ANGPTL2: variants seen among roughly 807,000 people sequenced by gnomAD.
The protein encoded by ANGPTL2 is angiopoietin like 2.
Under a neutral mutation model 52.8 loss-of-function variants are expected in ANGPTL2, and 25 were observed. That is an observed-to-expected ratio of 0.47 (90% CI 0.35 to 0.66). The LOEUF (loss-of-function observed/expected upper bound fraction) is 0.66, where lower values mean the gene tolerates loss of function less well. Ranked by LOEUF, ANGPTL2 falls within the 30% of genes least tolerant of loss-of-function variation. ANGPTL2 has a pLI of 0.01. For synonymous variants in ANGPTL2, 276 were observed against 277.4 expected (o/e 1.00, Z 0.05); for missense variants, 546 against 656.9 (o/e 0.83, Z 1.84).
intron 2 of ANGPTL2, among the ~76,000 whole-genome samples, chr9:127,095,111 T>G (rs1181337499): frequency 6.6e-6 from 1 of 152,190 alleles, no homozygotes; most frequent in Non-Finnish European, 1.5e-5. Flanking sequence ...AAAATATTCC[T>G]CATAGGGCCG....
In ANGPTL2 at chr9:127,093,904, C is replaced by T. The variant is rs1403846035; in HGVS notation, c.840G>A (p.Gln280=). ...KPSGPWRDCL[Q]ALEDGHDTSS... The stretch of plus-strand genomic sequence containing the variant: ...TGGTGTCGTGGCCATCCTCCAGGGC[C>T]TGCAGGCAGTCTCTCCATGGGCCTG... Residue 280 remains glutamine (Q), a synonymous_variant, in exon 3 of 5, where the codon CAG becomes CAA. Coordinates refer to ENST00000373425, the MANE Select transcript of ANGPTL2 (RefSeq NM_012098.3). The T allele has an allele frequency of 1.9e-6, 3 of 1,613,866 alleles. No homozygotes were observed. Among genetic ancestry groups the T allele is most frequent in the Admixed American group, 3.3e-5 (2 of 59,992 alleles).
chr9:127,115,219 C>T (rs1437229817), intron 1 of ANGPTL2, among the ~76,000 whole-genome samples: 2 of 151,970 alleles, frequency 1.3e-5, no homozygotes, highest in Admixed American at 6.6e-5. Context: ...GATGGAGTTT[C>T]GCTCTTGTCA....
At chr9:127,102,208 A>G (rs940617908) in intron 2 of ANGPTL2, among the ~76,000 whole-genome samples, 2 of 152,188 alleles carry the variant, frequency 1.3e-5, no homozygotes. Context: ...TGCTGCTATA[A>G]CAGAATAGCA....
At chr9:127,093,165 G>A (rs934730615) in intron 3 of ANGPTL2, among the ~76,000 whole-genome samples, 1 of 152,148 alleles carries the variant, frequency 6.6e-6, no homozygotes, top group Non-Finnish European at 1.5e-5. Flanking sequence ...TGTTTAGAGG[G>A]GGAAGAACGA....
rs543934399 is a variant in ANGPTL2 at position 127,098,247 on chromosome 9, A to T, written c.818-4321T>A. Among the ~76,000 whole-genome samples, 11 of 152,348 alleles carry T rather than the reference A, an allele frequency of 7.2e-5. No homozygotes were observed. In the South Asian group the frequency reaches 2.3e-3, roughly 32 times the overall value. On this transcript the variant is annotated intron_variant, in intron 2 of 4. Coordinates refer to ENST00000373425, the MANE Select transcript of ANGPTL2 (RefSeq NM_012098.3). ...TTTTGTCAATGAAACTGAGTTTTCA[A>T]CGTGCAGTGGGCAAAGCGCTCCCTT...
chr9:127,096,732 C>T (rs1224595534), intron 2 of ANGPTL2, among the ~76,000 whole-genome samples: 2 of 152,220 alleles, frequency 1.3e-5, no homozygotes, highest in East Asian at 3.8e-4. Flanking sequence ...CACAGACTCA[C>T]ACAATTCTGT....
At chr9:127,114,515 G>A (rs916943194) in intron 1 of ANGPTL2, among the ~76,000 whole-genome samples, 13 of 152,238 alleles carry the variant, frequency 8.5e-5, no homozygotes, top group Non-Finnish European at 1.6e-4. Context: ...TGCTCTTGCC[G>A]TCATTAGGCC....
At chr9:127,117,947 A>AGG (rs960476454) in intron 1 of ANGPTL2, among the ~76,000 whole-genome samples, 1 of 152,202 alleles carries the variant, frequency 6.6e-6, no homozygotes, top group African/African-American at 2.4e-5. Context: ...ACTAGGCAGC[A>AGG]GGGGGTTGCT....
At chr9:127,096,065 C>T (rs771170085) in intron 2 of ANGPTL2, among the ~76,000 whole-genome samples, 27 of 152,308 alleles carry the variant, frequency 1.8e-4, no homozygotes, top group Non-Finnish European at 3.2e-4. Flanking sequence ...AGGGATGGGG[C>T]AGGACCCAAT....
chr9:127,111,289 G>A (rs1418460204), intron 1 of ANGPTL2, among the ~76,000 whole-genome samples: 2 of 152,112 alleles, frequency 1.3e-5, no homozygotes, highest in East Asian at 3.8e-4. Flanking sequence ...ATTTAAGATT[G>A]TGACCTCACC....
Position 127,088,931 on chromosome 9 carries a change from G to A in ANGPTL2, c.*8C>T, listed in dbSNP as rs1228029280. The A allele has an allele frequency of 1.2e-6, 2 of 1,614,072 alleles. No individual in the cohort carries two copies. Among genetic ancestry groups the A allele is most frequent in the Admixed American group, 1.7e-5 (1 of 60,004 alleles). On this transcript the variant is annotated 3_prime_UTR_variant, in exon 5 of 5. Coordinates refer to ENST00000373425, the MANE Select transcript of ANGPTL2 (RefSeq NM_012098.3). ...AATGGCCACGAGAGGTCAGGAGGGG[G>A]AGCTGGCTTAGTGGAAGGTGTTGGG...
intron 2 of ANGPTL2, among the ~76,000 whole-genome samples, chr9:127,104,752 A>G (rs1373500444): frequency 1.3e-5 from 2 of 152,240 alleles, no homozygotes; most frequent in East Asian, 3.8e-4. Flanking sequence ...GGGCAGACGA[A>G]GAAAAGAGCA....
intron 2 of ANGPTL2, among the ~76,000 whole-genome samples, chr9:127,097,156 G>GT (rs893787279): frequency 2.6e-5 from 4 of 152,214 alleles, no homozygotes; most frequent in Non-Finnish European, 5.9e-5. Context: ...TTGTCGAGGT[G>GT]TAAAACTTTT....
rs1340125993 is a variant in ANGPTL2, at chr9:127,089,051, TG to T, written c.1369del (p.His457IlefsTer26). 6.2e-7 allele frequency: 1 copy of T among 1,614,092 alleles called. No individual in the cohort carries two copies. Among genetic ancestry groups the T allele is most frequent in the Non-Finnish European group, 8.5e-7 (1 of 1,180,038 alleles). ...NLNGVWYRGGHYRSRYQDGVY... is the reference protein window; with the variant it reads ...NLNGVWYRGGXYRSRYQDGVY... The stretch of plus-strand genomic sequence containing the variant: ...TCCGTCCTGGTAGCGGCTCCGGTAA[TG>T]GCCCCCGCGGTACCAGACCCCGTTG... On this transcript the variant is annotated frameshift_variant, in exon 5 of 5. Coordinates refer to ENST00000373425, the MANE Select transcript of ANGPTL2 (RefSeq NM_012098.3). LOFTEE classifies it high-confidence loss of function.
intron 1 of ANGPTL2, among the ~76,000 whole-genome samples, chr9:127,120,658 T>C (rs1209226783): frequency 2.6e-5 from 4 of 152,090 alleles, no homozygotes; most frequent in African/African-American, 9.7e-5. Flanking sequence ...CCGTCTCTAC[T>C]GAAAATACAC....
intron 1 of ANGPTL2, among the ~76,000 whole-genome samples, chr9:127,118,198 CA>C (rs2055644239): frequency 6.6e-6 from 1 of 152,160 alleles, no homozygotes; most frequent in Non-Finnish European, 1.5e-5. Flanking sequence ...TTCCTGGGAC[CA>C]AAATGTGGCT....
At chr9:127,095,602 C>G (rs2053043177) in intron 2 of ANGPTL2, among the ~76,000 whole-genome samples, 1 of 152,234 alleles carries the variant, frequency 6.6e-6, no homozygotes, top group Admixed American at 6.5e-5. Flanking sequence ...AAGGGAGGAG[C>G]TGACCTCACT....
intron 1 of ANGPTL2, among the ~76,000 whole-genome samples, chr9:127,115,477 C>T (rs1275050700): frequency 2.6e-5 from 4 of 152,202 alleles, no homozygotes; most frequent in Admixed American, 6.5e-5. Context: ...TATATGATCC[C>T]ATTACCTAAG....
intron 1 of ANGPTL2, among the ~76,000 whole-genome samples, chr9:127,120,539 T>A (rs1031899145): frequency 6.6e-6 from 1 of 152,204 alleles, no homozygotes. Context: ...AATTTGGGTC[T>A]CTGGCCGGGT....
Sources: gnomAD v4.1 joint callset for allele counts (sites outside exome capture counted in the v4.1 genomes callset) on GRCh38, gnomAD v4.1.1 for gene constraint, MANE v1.5 for transcripts, NCBI Gene and HGNC (gene_info 2026-07-23, HGNC 2026-07-21) for gene names.